C16orf96: variants seen among roughly 807,000 people sequenced by gnomAD.
The protein encoded by C16orf96 is uncharacterized protein C16orf96.
Under a neutral mutation model 103.6 loss-of-function variants are expected in C16orf96, and 108 were observed. That is an observed-to-expected ratio of 1.04 (90% CI 0.89 to 1.22). The LOEUF is 1.22. C16orf96 is among the 50% of genes most tolerant of loss of function. The probability of loss-of-function intolerance (pLI) is 0.00; values close to 1 mark genes in which losing one functional copy is unlikely to be tolerated. For missense variants in C16orf96, 1,586 were observed against 1,464.2 expected (o/e 1.08, Z -1.36); for synonymous variants, 566 against 593.5 (o/e 0.95, Z 0.67).
intron 6 of C16orf96, among the ~76,000 whole-genome samples, chr16:4,579,299 T>C (rs956760350): frequency 3.9e-5 from 6 of 151,924 alleles, no homozygotes; most frequent in African/African-American, 1.4e-4. Context: ...ATACCTGTAA[T>C]CCCAACGCTT....
At chr16:4,584,007 A>G (rs1896855055) in intron 7 of C16orf96, among the ~76,000 whole-genome samples, 1 of 152,070 alleles carries the variant, frequency 6.6e-6, no homozygotes, top group Non-Finnish European at 1.5e-5. Context: ...CACTACAGGA[A>G]GGATGGATTA....
rs1438498106 is a variant in C16orf96, at chr16:4,594,716, A to G, written c.3040A>G (p.Ile1014Val). 6 of 1,551,272 alleles carry G rather than the reference A, an allele frequency of 3.9e-6. No individual in the cohort carries two copies. The highest frequency in any genetic ancestry group is 5.2e-6 in the Non-Finnish European group (6 of 1,146,936). The stretch of plus-strand genomic sequence containing the variant: ...GGCCATCCAACAGGCCGAGGTGGAC[A>G]TCCTGGGCGTGGATGGGATCCTGTA... The part of the protein sequence containing the change: ...VIDYDSAEVD[I>V]LGVDGILYKG... Residue 1014 changes from isoleucine to valine, a missense_variant, in exon 14 of 16, where the codon ATC becomes GTC. By Grantham distance (29) the Ile-to-Val change is conservative. Coordinates refer to ENST00000444310, the MANE Select transcript of C16orf96 (RefSeq NM_001145011.2).
At position 4,588,159 on chromosome 16, in the gene C16orf96, C is replaced by G; in HGVS notation, c.2428-8C>G. 5 of 1,549,974 alleles carry G rather than the reference C, an allele frequency of 3.2e-6. No individual in the cohort carries two copies. Among genetic ancestry groups the G allele is most frequent in the Non-Finnish European group, 4.4e-6 (5 of 1,146,278 alleles). On this transcript the variant is annotated splice_region_variant and splice_polypyrimidine_tract_variant and intron_variant, in intron 8 of 15. Coordinates refer to ENST00000444310, the MANE Select transcript of C16orf96 (RefSeq NM_001145011.2). ...AGCCATGCCTCCCTGAACTCCCTGT[C>G]TCCCTAGAAAGCTGACAGGAGTGCC...
intron 1 of C16orf96, among the ~76,000 whole-genome samples, chr16:4,558,238 G>T (rs754916188): frequency 9.2e-5 from 14 of 152,216 alleles, no homozygotes; most frequent in Non-Finnish European, 1.9e-4. Flanking sequence ...CTCTGACCCT[G>T]GCTCACCTTT....
intron 7 of C16orf96, among the ~76,000 whole-genome samples, chr16:4,580,841 T>C (rs1313578217): frequency 6.6e-6 from 1 of 151,482 alleles, no homozygotes; most frequent in African/African-American, 2.4e-5. Flanking sequence ...AATACAAAAT[T>C]AGGCTGGGTG....
At chr16:4,581,599 C>T (rs935883267) in intron 7 of C16orf96, among the ~76,000 whole-genome samples, 3 of 151,762 alleles carry the variant, frequency 2.0e-5, no homozygotes, top group African/African-American at 7.3e-5. Context: ...CACCACTGCA[C>T]TCCAGCCTGG....
chr16:4,564,100 C>T (rs1262373881), intron 1 of C16orf96, among the ~76,000 whole-genome samples: 1 of 151,868 alleles, frequency 6.6e-6, no homozygotes, highest in Non-Finnish European at 1.5e-5. Flanking sequence ...ACCTGGGAGG[C>T]AGAGGTTGCA....
chr16:4,580,219 G>A (rs2059566942), intron 7 of C16orf96, 94 bp downstream of exon 7: 1 of 959,632 alleles, frequency 1.0e-6, no homozygotes, highest in African/African-American at 1.7e-5. Context: ...GCATGAGGTG[G>A]GGATGCACTT....
chr16:4,568,475 T>C (rs578217796), intron 1 of C16orf96, among the ~76,000 whole-genome samples: 3 of 152,166 alleles, frequency 2.0e-5, no homozygotes, highest in Admixed American at 6.6e-5. Context: ...ATTTATTTTA[T>C]AGTGACAGGG....
intron 9 of C16orf96, among the ~76,000 whole-genome samples, chr16:4,589,437 G>T (rs1897006092): frequency 6.6e-6 from 1 of 150,844 alleles, no homozygotes; most frequent in East Asian, 2.0e-4. Context: ...AAAAAAGCCA[G>T]GTGTGGTGGC....
the C16orf96 span, among the ~76,000 whole-genome samples, chr16:4,548,557 C>T: frequency 1.3e-5 from 2 of 152,060 alleles, no homozygotes; most frequent in African/African-American, 4.8e-5. Context: ...CTCCCAAGAA[C>T]TTTTGCGCCT....
chr16:4,599,799 G>A (rs1897247028), intron 15 of C16orf96, among the ~76,000 whole-genome samples: 1 of 152,240 alleles, frequency 6.6e-6, no homozygotes, highest in Non-Finnish European at 1.5e-5. Flanking sequence ...TGTGGCCCAA[G>A]ATCACAGAGC....
rs2059564671 is a variant in C16orf96 at position 4,580,050 on chromosome 16, A to G, written c.2277A>G (p.Ile759Met). 5 of 1,551,198 alleles carry G rather than the reference A, an allele frequency of 3.2e-6. No individual in the cohort carries two copies. The highest frequency in any genetic ancestry group is 4.4e-6 in the Non-Finnish European group (5 of 1,146,752). ...TTGAGAGAATTTGGGGCAACCAAAT[A>G]GAGATGATGAAGGATCGCTACATCA... ...EELERIWGNQ[I>M]EMMKDRYITL... is the part of the protein sequence containing the mutation. Residue 759 changes from isoleucine to methionine, a missense_variant, in exon 7 of 16, where the codon ATA (isoleucine) becomes ATG (methionine). Ile to Met is a conservative substitution (Grantham distance 10). Transcript: ENST00000444310.
At position 4,600,410 on chromosome 16, in the gene C16orf96, CATCGGA is replaced by C; in HGVS notation, c.*94_*99del. 1.1e-6 allele frequency: 1 copy of C among 905,788 alleles called. No homozygotes were observed. Among genetic ancestry groups the C allele is most frequent in the Admixed American group, 2.1e-5 (1 of 46,886 alleles). 56.1% of individuals were successfully genotyped at this position (905,788 alleles called of 1,614,324 possible). On this transcript the variant is annotated 3_prime_UTR_variant, in exon 16 of 16. Transcript: ENST00000444310. ...TCCCACTCCCACCAAGTCCCCTCCA[CATCGGA>C]GGCTGAGGCCTATGTGGCCCCCCAC...
intron 1 of C16orf96, among the ~76,000 whole-genome samples, chr16:4,566,131 C>T (rs1258050544): frequency 6.6e-6 from 1 of 152,222 alleles, no homozygotes; most frequent in Non-Finnish European, 1.5e-5. Context: ...CAGACGTGAG[C>T]TACCATGCCT....
chr16:4,579,018 G>A lies in C16orf96; in HGVS notation c.2234G>A (p.Arg745Lys). The change falls in exon 6 of 16, where the codon AGG becomes AAG. Residue 745 changes from arginine (R) to lysine (K), a missense_variant. By Grantham distance (26) the Arg-to-Lys change is conservative. Transcript: ENST00000444310. ...AAGATTGGCAGCCTCCAGAAATCTAGGCTCAAGGTTAGTGTCTCCGGCGAA... is the reference window on the plus strand; with the variant it reads ...AAGATTGGCAGCCTCCAGAAATCTAAGCTCAAGGTTAGTGTCTCCGGCGAA... ...QKKIGSLQKS[R>K]LKEEELERIW... 1.3e-6 allele frequency: 2 copies of A among 1,551,470 alleles called. No homozygotes were observed. Among genetic ancestry groups the A allele is most frequent in the Non-Finnish European group, 8.7e-7 (1 of 1,146,878 alleles).
At chr16:4,548,323 C>G in the C16orf96 span, among the ~76,000 whole-genome samples, 1 of 152,320 alleles carries the variant, frequency 6.6e-6, no homozygotes, top group East Asian at 1.9e-4. Flanking sequence ...GCTCCTCCTC[C>G]CTGGCACCCA....
At position 4,576,670 on chromosome 16, in the gene C16orf96, G is replaced by T. The variant is rs568120685; in HGVS notation, c.2155+35G>T. On this transcript the variant is annotated intron_variant, in intron 5 of 15. Transcript: ENST00000444310. ...GTCTGGCCCTGGGAAGGGCACAAGG[G>T]AGTGGGGCTCTCCCTGCAGCCTTTG... 6 of 1,514,570 alleles carry T rather than the reference G, an allele frequency of 4.0e-6. No individual in the cohort carries two copies. The South Asian group carries it at 5.1e-5, about 13-fold the overall frequency. The allele number at this position is 1,514,570 out of a possible 1,614,324, so 93.8% of individuals were successfully genotyped here.
chr16:4,542,034 A>AAGAGAGGCAAATAGAAGGCTGGGCGACC, the C16orf96 span, among the ~76,000 whole-genome samples: 1 of 152,218 alleles, frequency 6.6e-6, no homozygotes. Context: ...GGTTTAGACC[A>AAGAGAGGCAAATAGAAGGCTGGGCGACC]AGAGAGGCAA....
Sources: gnomAD v4.1 joint callset for allele counts (sites outside exome capture counted in the v4.1 genomes callset) on GRCh38, gnomAD v4.1.1 for gene constraint, MANE v1.5 for transcripts, NCBI Gene and HGNC (gene_info 2026-07-23, HGNC 2026-07-21) for gene names.